The following FAM200B variants were observed in gnomAD, a reference collection of about 807,000 sequenced individuals.
FAM200B encodes the protein zinc finger BED-type containing 11, also known as protein FAM200B.
A neutral mutation model predicts 33.1 loss-of-function variants in FAM200B; 32 were observed. That is an observed-to-expected ratio of 0.97 (90% CI 0.73 to 1.30). FAM200B has a LOEUF of 1.30. Among genes scored for constraint, FAM200B ranks in the 50% most tolerant of loss-of-function variants. The pLI is 0.00. For missense variants in FAM200B, 741 were observed against 754.0 expected (o/e 0.98, Z 0.20); for synonymous variants, 240 against 264.8 (o/e 0.91, Z 0.91).
chr4:15,647,720 T>G, the FAM200B span, among the ~76,000 whole-genome samples: 2 of 152,200 alleles, frequency 1.3e-5, no homozygotes, highest in Non-Finnish European at 2.9e-5. Context: ...CCTAGCACAG[T>G]AGTTAAAAGC....
upstream of FAM200B, among the ~76,000 whole-genome samples, chr4:15,677,930 C>T (rs943638002): frequency 3.4e-5 from 3 of 88,228 alleles, no homozygotes; most frequent in East Asian, 9.1e-4. Context: ...TGGGACTGAG[C>T]GCTTAACCTG....
chr4:15,674,555 T>A, the FAM200B span, among the ~76,000 whole-genome samples: 1 of 152,148 alleles, frequency 6.6e-6, no homozygotes, highest in African/African-American at 2.4e-5. Context: ...TACAAAATTA[T>A]TACTCATGAA....
rs1487115450 is a variant in FAM200B, at chr4:15,688,833, C to T, written c.1856C>T (p.Thr619Met). The stretch of plus-strand genomic sequence containing the variant: ...TGTGAACTAGGGTTTTCCATCTTAA[C>T]GCAGTTAAAAACAAAGGAAAGAAAT... ...SLCELGFSIL[T>M]QLKTKERNGL... Residue 619 changes from threonine to methionine, a missense_variant, in exon 2 of 2, where the codon ACG becomes ATG. Thr to Met is a moderately conservative substitution (Grantham distance 81). Transcript: ENST00000422728. 2.0e-5 allele frequency: 31 copies of T among 1,551,420 alleles called. No homozygotes were observed. The highest frequency in any genetic ancestry group is 9.8e-5 in the East Asian group (4 of 40,900).
the FAM200B span, among the ~76,000 whole-genome samples, chr4:15,646,535 C>T: frequency 2.7e-5 from 4 of 150,502 alleles, no homozygotes; most frequent in Non-Finnish European, 5.9e-5. Flanking sequence ...ACCATTAATG[C>T]TAAATATTTT....
At chr4:15,670,719 A>G in the FAM200B span, among the ~76,000 whole-genome samples, 43,248 of 151,688 alleles carry the variant, frequency 0.29, 6,393 homozygotes, top group East Asian at 0.47. Flanking sequence ...GGAAAAAAAA[A>G]AACATTCTTA....
chr4:15,655,082 G>A, the FAM200B span: 1 of 698,368 alleles, frequency 1.4e-6, no homozygotes, highest in Non-Finnish European at 1.9e-6. Context: ...TGCGCAGGCG[G>A]CTACTCGCGC....
the FAM200B span, among the ~76,000 whole-genome samples, chr4:15,661,498 T>C: frequency 6.6e-6 from 1 of 152,240 alleles, no homozygotes; most frequent in Non-Finnish European, 1.5e-5. Flanking sequence ...TTTCAGTGTT[T>C]GGGAACCTTA....
chr4:15,679,567 A>C (rs1015814479), upstream of FAM200B, among the ~76,000 whole-genome samples: 21 of 151,572 alleles, frequency 1.4e-4, no homozygotes, highest in South Asian at 8.3e-4. Flanking sequence ...AGGAACAAAA[A>C]AAAAAAAAAA....
At chr4:15,647,231 A>C in the FAM200B span, among the ~76,000 whole-genome samples, 1,105 of 138,544 alleles carry the variant, frequency 8.0e-3, 6 homozygotes, top group Middle Eastern at 0.022. Context: ...TCAAAAAAAA[A>C]AAAAAAAAAA....
chr4:15,688,815 T>C lies in FAM200B; in HGVS notation c.1838T>C (p.Leu613Pro), dbSNP rs1486801179. 1 of 1,551,436 alleles carries C rather than the reference T, an allele frequency of 6.4e-7. No homozygotes were observed. The highest frequency in any genetic ancestry group is 2.0e-5 in the Admixed American group (1 of 50,992). Residue 613 changes from leucine to proline, a missense_variant, in exon 2 of 2, where the codon CTA (leucine) becomes CCA (proline). Physicochemically the swap from Leu to Pro is moderately conservative, Grantham distance 98. Transcript: ENST00000422728. ...LPFTTTSLCE[L>P]GFSILTQLKT... ...TTCACAACAACTAGTTTGTGTGAACTAGGGTTTTCCATCTTAACGCAGTTA... is the reference window on the plus strand; with the variant it reads ...TTCACAACAACTAGTTTGTGTGAACCAGGGTTTTCCATCTTAACGCAGTTA...
In FAM200B at chr4:15,688,317, A is replaced by G; in HGVS notation, c.1340A>G (p.Gln447Arg). ...SILNELSLKL[Q>R]GKNSDVFQHV... is the part of the protein sequence containing the mutation. ...CTTAATGAACTGAGTTTAAAACTAC[A>G]GGGGAAAAACAGTGATGTATTCCAA... Residue 447 changes from glutamine to arginine, a missense_variant, in exon 2 of 2, where the codon CAG becomes CGG. Physicochemically the swap from Gln to Arg is conservative, Grantham distance 43 (BLOSUM62 1). Coordinates refer to ENST00000422728, the MANE Select transcript of FAM200B (RefSeq NM_001145191.2). The G allele has an allele frequency of 6.5e-7, 1 of 1,550,266 alleles. No homozygotes were observed. Among genetic ancestry groups the G allele is most frequent in the Non-Finnish European group, 8.7e-7 (1 of 1,145,786 alleles).
chr4:15,669,424 C>T, the FAM200B span, among the ~76,000 whole-genome samples: 2 of 152,216 alleles, frequency 1.3e-5, no homozygotes, highest in South Asian at 4.1e-4. Context: ...CATTATATAT[C>T]AAACAACAGA....
the FAM200B span, chr4:15,644,775 A>AAAT: frequency 8.8e-7 from 1 of 1,134,252 alleles, no homozygotes; most frequent in East Asian, 2.6e-5. Context: ...AAAAATATTC[A>AAAT]AATACATCCC....
the FAM200B span, among the ~76,000 whole-genome samples, chr4:15,647,284 CAAAAAACAA>C: frequency 7.5e-6 from 1 of 134,152 alleles, no homozygotes; most frequent in Non-Finnish European, 1.6e-5. Flanking sequence ...ACAACAACAA[CAAAAAACAA>C]TATAACAACT....
the FAM200B span, among the ~76,000 whole-genome samples, chr4:15,671,282 C>T: frequency 6.6e-6 from 1 of 152,026 alleles, no homozygotes; most frequent in Admixed American, 6.6e-5. Context: ...AAATATGTTG[C>T]TCTACTGGCT....
chr4:15,651,567 G>A, the FAM200B span, among the ~76,000 whole-genome samples: 18 of 152,010 alleles, frequency 1.2e-4, no homozygotes, highest in Admixed American at 1.1e-3. Context: ...AATTGTTACA[G>A]GTATGCAGAA....
chr4:15,653,207 T>C, the FAM200B span, among the ~76,000 whole-genome samples: 2 of 152,300 alleles, frequency 1.3e-5, no homozygotes, highest in African/African-American at 4.8e-5. Context: ...ATCTAATTAA[T>C]TCAGAATTAG....
chr4:15,669,935 G>T, the FAM200B span, among the ~76,000 whole-genome samples: 1 of 152,064 alleles, frequency 6.6e-6, no homozygotes, highest in East Asian at 1.9e-4. Context: ...AATCACCCTA[G>T]GTACTATATG....
the FAM200B span, among the ~76,000 whole-genome samples, chr4:15,656,856 G>A: frequency 1.3e-5 from 2 of 151,910 alleles, no homozygotes; most frequent in Non-Finnish European, 2.9e-5. Context: ...TAGTGCTGCA[G>A]GAAATTAAGT....
Sources: gnomAD v4.1 joint callset for allele counts (sites outside exome capture counted in the v4.1 genomes callset) on GRCh38, gnomAD v4.1.1 for gene constraint, MANE v1.5 for transcripts, NCBI Gene and HGNC (gene_info 2026-07-23, HGNC 2026-07-21) for gene names.